The following MGAT4C variants were observed in gnomAD, a reference collection of about 807,000 sequenced individuals.
The protein encoded by MGAT4C is alpha-1,3-mannosyl-glycoprotein 4-beta-N-acetylglucosaminyltransferase C.
MGAT4C carries 19 observed loss-of-function variants against 40.1 expected under a neutral mutation model. That is an observed-to-expected ratio of 0.47 (90% CI 0.33 to 0.70). The LOEUF (loss-of-function observed/expected upper bound fraction) is 0.70, where lower values mean the gene tolerates loss of function less well. MGAT4C is among the 30% of genes least tolerant of loss of function. The probability of loss-of-function intolerance (pLI) is 0.02; values close to 1 mark genes in which losing one functional copy is unlikely to be tolerated. For synonymous variants in MGAT4C, 181 were observed against 187.1 expected (o/e 0.97, Z 0.27); for missense variants, 491 against 563.2 (o/e 0.87, Z 1.30).
chr12:86,500,913 T>G (rs1183996931), intron 2 of MGAT4C, among the ~76,000 whole-genome samples: 4 of 152,090 alleles, frequency 2.6e-5, no homozygotes, highest in African/African-American at 9.7e-5. Flanking sequence ...TAGTTTATCA[T>G]GTGAAAAGCA....
chr12:86,416,384 T>C (rs766123652), intron 3 of MGAT4C, among the ~76,000 whole-genome samples: 3 of 152,044 alleles, frequency 2.0e-5, no homozygotes, highest in Non-Finnish European at 2.9e-5. Flanking sequence ...AAAGGACTTT[T>C]AGAGAGAATG....
At chr12:86,744,462 TCTC>T (rs1247446868) in intron 1 of MGAT4C, among the ~76,000 whole-genome samples, 1 of 151,452 alleles carries the variant, frequency 6.6e-6, no homozygotes, top group African/African-American at 2.4e-5. Context: ...TTTCAAAATC[TCTC>T]CTCCTTCACT....
At chr12:86,099,459 A>C (rs1177411409) in intron 1 of MGAT4C, among the ~76,000 whole-genome samples, 3 of 151,196 alleles carry the variant, frequency 2.0e-5, no homozygotes, top group African/African-American at 4.8e-5. Flanking sequence ...TCCGGGATAC[A>C]TGTGCAGAAC....
At chr12:86,837,770 T>G (rs1953066860) in intron 1 of MGAT4C, among the ~76,000 whole-genome samples, 1 of 152,154 alleles carries the variant, frequency 6.6e-6, no homozygotes, top group Non-Finnish European at 1.5e-5. Context: ...TTCTTTTCTA[T>G]TCTACACTCC....
At chr12:86,391,674 T>C (rs1956162505) in intron 3 of MGAT4C, among the ~76,000 whole-genome samples, 1 of 152,004 alleles carries the variant, frequency 6.6e-6, no homozygotes, top group African/African-American at 2.4e-5. Flanking sequence ...CTGACTAACA[T>C]GGTGAAACCC....
rs1239531381 is a variant in MGAT4C at position 85,967,189 on chromosome 12, ATC to A, written c.*12098_*12099del. On this transcript the variant is annotated 3_prime_UTR_variant, in exon 5 of 5. Transcript: ENST00000611864. ...CAGCTAGCAGTAAAATTGTGAACAA[ATC>A]TGGTAAATCTTTTGGTGTTGCAGGT... The A allele has an allele frequency of 6.6e-6, 1 of 152,140 alleles. No individual in the cohort carries two copies. Among genetic ancestry groups the A allele is most frequent in the East Asian group, 1.9e-4 (1 of 5,194 alleles). 9.4% of individuals were successfully genotyped at this position (152,140 alleles called of 1,614,324 possible). A position where few individuals can be genotyped will look rare whatever the true frequency, so the allele number is the denominator to read the frequency against.
intron 3 of MGAT4C, among the ~76,000 whole-genome samples, chr12:86,362,642 A>G (rs1429798858): frequency 6.6e-6 from 1 of 152,016 alleles, no homozygotes; most frequent in East Asian, 1.9e-4. Context: ...AAAGAATGTG[A>G]GGGTGCGAGG....
At chr12:86,253,403 A>C (rs1952385117) in intron 1 of MGAT4C, among the ~76,000 whole-genome samples, 1 of 151,860 alleles carries the variant, frequency 6.6e-6, no homozygotes, top group African/African-American at 2.4e-5. Flanking sequence ...GAAATTTGTA[A>C]ACCTGTTTCT....
At chr12:86,225,744 CT>C (rs1233199685) in intron 1 of MGAT4C, among the ~76,000 whole-genome samples, 1 of 151,870 alleles carries the variant, frequency 6.6e-6, no homozygotes, top group African/African-American at 2.4e-5. Context: ...AATTTAATAT[CT>C]TTTTATGATA....
chr12:86,233,801 G>T (rs930723692), intron 1 of MGAT4C, among the ~76,000 whole-genome samples: 4 of 151,946 alleles, frequency 2.6e-5, no homozygotes, highest in African/African-American at 7.3e-5. Flanking sequence ...AAATAAAATT[G>T]CAGTAAGTAT....
intron 2 of MGAT4C, among the ~76,000 whole-genome samples, chr12:86,028,547 T>G (rs1438708359): frequency 1.3e-5 from 2 of 151,954 alleles, no homozygotes; most frequent in Non-Finnish European, 2.9e-5. Context: ...TAGGCCCAGG[T>G]GTACCTCAGA....
At chr12:86,737,501 G>A (rs1385574745) in intron 1 of MGAT4C, among the ~76,000 whole-genome samples, 1 of 151,166 alleles carries the variant, frequency 6.6e-6, no homozygotes, top group Admixed American at 6.6e-5. Context: ...TCTTTGAACT[G>A]TATCTCTATA....
At chr12:86,362,830 G>A (rs1955509463) in intron 3 of MGAT4C, among the ~76,000 whole-genome samples, 1 of 131,356 alleles carries the variant, frequency 7.6e-6, no homozygotes, top group South Asian at 2.4e-4. Flanking sequence ...TCACGCTGCT[G>A]CACTCCCGCC....
chr12:86,385,457 T>C (rs1402403012), intron 3 of MGAT4C, among the ~76,000 whole-genome samples: 1 of 152,126 alleles, frequency 6.6e-6, no homozygotes. Context: ...CCCCTCCAAC[T>C]AGATGTCAGA....
intron 1 of MGAT4C, among the ~76,000 whole-genome samples, chr12:86,253,463 A>C (rs186147381): frequency 6.6e-6 from 1 of 151,946 alleles, no homozygotes; most frequent in African/African-American, 2.4e-5. Flanking sequence ...GATCTTTGGC[A>C]ACAAGTTACG....
In MGAT4C at chr12:86,304,850, A is replaced by G. The variant is rs917794503; in HGVS notation, c.-57+29215T>C. On this transcript the variant is annotated intron_variant, in intron 4 of 7. Coordinates refer to the MGAT4C transcript ENST00000548651. ...AAGATGCAAGTCAAATGATATTACC[A>G]AATGGCAGCAAACCACCAGTAGCTG... Among the ~76,000 whole-genome samples the G allele has an allele frequency of 3.4e-4, 51 of 150,568 alleles. 3 individuals carry two copies. The highest frequency in any genetic ancestry group is 1.3e-3 in the African/African-American group (50 of 39,970).
intron 1 of MGAT4C, among the ~76,000 whole-genome samples, chr12:86,078,800 C>G (rs1435285091): frequency 6.6e-6 from 1 of 152,200 alleles, no homozygotes; most frequent in East Asian, 1.9e-4. Context: ...TTGCCGTCCA[C>G]AGAATGGGTC....
chr12:86,303,559 T>TAAAA (rs67440846), intron 4 of MGAT4C, among the ~76,000 whole-genome samples: 3 of 145,846 alleles, frequency 2.1e-5, no homozygotes. Flanking sequence ...GGAAGACACT[T>TAAAA]AAAAAAAAAA....
chr12:86,592,996 A>C (rs951488449), intron 2 of MGAT4C, among the ~76,000 whole-genome samples: 2 of 152,084 alleles, frequency 1.3e-5, no homozygotes, highest in African/African-American at 4.8e-5. Flanking sequence ...TATCATACTT[A>C]ATATTGGCAC....
Sources: allele counts gnomAD v4.1 joint callset (sites outside exome capture counted in the v4.1 genomes callset), GRCh38; gene constraint gnomAD v4.1.1; transcripts MANE v1.5; gene names NCBI Gene and HGNC (gene_info 2026-07-23, HGNC 2026-07-21).